The following DSTYK variants were observed in gnomAD, a reference collection of about 807,000 sequenced individuals.
DSTYK encodes dual serine/threonine and tyrosine protein kinase, also known as RIP-homologous kinase.
A neutral mutation model predicts 98.7 loss-of-function variants in DSTYK; 34 were observed. The observed-to-expected ratio is 0.34, with a 90% confidence interval of 0.26 to 0.46. The LOEUF (loss-of-function observed/expected upper bound fraction) is 0.46, where lower values mean the gene tolerates loss of function less well. DSTYK is among the 20% of genes least tolerant of loss of function. The pLI, the probability that DSTYK is intolerant of heterozygous loss-of-function variation, is 1.00. For synonymous variants in DSTYK, 462 were observed against 457.3 expected, an observed-to-expected ratio of 1.01 and a Z score of -0.13; for missense variants, 962 against 1,181.7, an observed-to-expected ratio of 0.81 and a Z score of 2.73.
At chr1:205,196,299 G>A (rs1398175462) in intron 1 of DSTYK, among the ~76,000 whole-genome samples, 1 of 152,212 alleles carries the variant, frequency 6.6e-6, no homozygotes, top group Non-Finnish European at 1.5e-5. Context: ...ACTCATGCCT[G>A]TAGTCCTAGC....
At chr1:205,167,446 T>C (rs1056721145) in intron 3 of DSTYK, among the ~76,000 whole-genome samples, 2 of 152,032 alleles carry the variant, frequency 1.3e-5, no homozygotes. Flanking sequence ...TCATGAAAAA[T>C]GGCATTTGGG....
Position 205,149,179 on chromosome 1 carries a change from A to G in DSTYK, c.2468-840T>C, listed in dbSNP as rs112466539. ...GGCTTCCCAAAGTGCTGGGATTACG[A>G]CATGAGCCACCGCACCTGGCCGAAA... On this transcript the variant is annotated intron_variant, in intron 11 of 12. Coordinates refer to ENST00000367162, the MANE Select transcript of DSTYK (RefSeq NM_015375.3). Among the ~76,000 whole-genome samples, 1,311 of 151,694 alleles carry G rather than the reference A, an allele frequency of 8.6e-3. 23 individuals are homozygous for G. Among genetic ancestry groups the G allele is most frequent in the African/African-American group, 0.03 (1,255 of 41,358 alleles).
At chr1:205,194,631 C>G (rs1416996351) in intron 1 of DSTYK, among the ~76,000 whole-genome samples, 1 of 151,710 alleles carries the variant, frequency 6.6e-6, no homozygotes, top group African/African-American at 2.4e-5. Context: ...GACCCTCCCA[C>G]CTCAGCCTCC....
Position 205,145,183 on chromosome 1 carries a change from T to C in DSTYK, c.*2375A>G, listed in dbSNP as rs1384018262. Reference sequence around the variant, plus strand: ...TGCAGAGAATAGAGTACTTGAAGTATAGCTAAATAGGTGGTAAAAATTCTG... The same window carrying C: ...TGCAGAGAATAGAGTACTTGAAGTACAGCTAAATAGGTGGTAAAAATTCTG... On this transcript the variant is annotated 3_prime_UTR_variant, in exon 13 of 13. Coordinates refer to ENST00000367162, the MANE Select transcript of DSTYK (RefSeq NM_015375.3). The C allele has an allele frequency of 1.3e-5, 2 of 152,186 alleles. No individual in the cohort carries two copies. Among genetic ancestry groups the C allele is most frequent in the African/African-American group, 2.4e-5 (1 of 41,438 alleles). The allele number at this position is 152,186 out of a possible 1,614,324, so 9.4% of individuals were successfully genotyped here. A position where few individuals can be genotyped will look rare whatever the true frequency, so the allele number is the denominator to read the frequency against.
chr1:205,143,639 AAAT>A lies in DSTYK; in HGVS notation c.*3916_*3918del, dbSNP rs1657137104. The A allele has an allele frequency of 6.6e-6, 1 of 152,576 alleles. No individual in the cohort carries two copies. Among genetic ancestry groups the A allele is most frequent in the African/African-American group, 2.4e-5 (1 of 41,426 alleles). The allele number at this position is 152,576 out of a possible 1,614,324, so 9.5% of individuals were successfully genotyped here. A position where few individuals can be genotyped will look rare whatever the true frequency, so the allele number is the denominator to read the frequency against. On this transcript the variant is annotated 3_prime_UTR_variant, in exon 13 of 13. Transcript: ENST00000367162. ...CAATTCCCCTGGGCCTCCCAGTGCT[AAAT>A]AATAAGCCAAAGCCAAAAAATAAAG...
chr1:205,186,765 A>G (rs541071068), intron 2 of DSTYK, among the ~76,000 whole-genome samples: 173 of 152,352 alleles, frequency 1.1e-3, no homozygotes, highest in African/African-American at 4.0e-3. Flanking sequence ...AGACAATATG[A>G]TATCTTACGA....
At chr1:205,203,494 G>C (rs1320315509) in intron 1 of DSTYK, among the ~76,000 whole-genome samples, 1 of 111,056 alleles carries the variant, frequency 9.0e-6, no homozygotes, top group Non-Finnish European at 1.8e-5. Flanking sequence ...AAGGAGAGGG[G>C]AGGGGAGGGG....
intron 2 of DSTYK, 80 bp downstream of exon 2, chr1:205,187,338 A>C: frequency 6.8e-7 from 1 of 1,462,850 alleles, no homozygotes; most frequent in East Asian, 2.4e-5. Context: ...TATATCATCG[A>C]ATTACTTTTT....
intron 2 of DSTYK, among the ~76,000 whole-genome samples, chr1:205,181,407 T>C (rs1658392368): frequency 6.6e-6 from 1 of 152,148 alleles, no homozygotes; most frequent in Non-Finnish European, 1.5e-5. Context: ...CAGGCTGGAG[T>C]GCAGTGGCAT....
chr1:205,161,960 G>A (rs775770121), intron 6 of DSTYK, 76 bp downstream of exon 6: 68 of 1,450,344 alleles, frequency 4.7e-5, no homozygotes, highest in Admixed American at 1.0e-4. Context: ...TATGAAGAGC[G>A]GAGAGCGAAA....
At chr1:205,189,293 C>T (rs1292608213) in intron 1 of DSTYK, among the ~76,000 whole-genome samples, 3 of 152,114 alleles carry the variant, frequency 2.0e-5, no homozygotes, top group Non-Finnish European at 4.4e-5. Flanking sequence ...AAAAATAATC[C>T]GAAATTAGTT....
chr1:205,160,013 T>C, intron 8 of DSTYK, 101 bp downstream of exon 8: 1 of 1,385,086 alleles, frequency 7.2e-7, no homozygotes. Context: ...GAAAACTAAA[T>C]ATAGAGAGGC....
chr1:205,159,710 A>G, intron 8 of DSTYK, 31 bp from the exon 9 acceptor site: 1 of 1,611,948 alleles, frequency 6.2e-7, no homozygotes, highest in Non-Finnish European at 8.5e-7. Context: ...CTGGGCTACA[A>G]GGCTTGGGCT....
rs1183013456 is a variant in DSTYK, at chr1:205,150,655, C to G, written c.2467+25G>C. 1 of 1,577,120 alleles carries G rather than the reference C, an allele frequency of 6.3e-7. No homozygotes were observed. The highest frequency in any genetic ancestry group is 1.7e-5 in the Admixed American group (1 of 59,802). On this transcript the variant is annotated intron_variant, in intron 11 of 12. Coordinates refer to ENST00000367162, the MANE Select transcript of DSTYK (RefSeq NM_015375.3). The surrounding 1 kb of genome is among the most constrained non-coding windows in gnomAD (Gnocchi z 4.1). ...ATTAAAGTAGTACGCCCTGCCCAGA[C>G]CCACTGCCTGCCCTCCAGCCTTACC...
chr1:205,166,533 T>C (rs1657896877), intron 3 of DSTYK, among the ~76,000 whole-genome samples: 1 of 152,150 alleles, frequency 6.6e-6, no homozygotes. Flanking sequence ...ATCTTCTTAT[T>C]GTTTCAAGGA....
Position 205,167,920 on chromosome 1 carries a change from G to A in DSTYK, c.1324+1243C>T, listed in dbSNP as rs1481525639. Among the ~76,000 whole-genome samples the A allele has an allele frequency of 2.6e-5, 4 of 152,162 alleles. No homozygotes were observed. The East Asian group carries it at 5.8e-4, about 22-fold the overall frequency. ...AGGTCAAGAACATCCTGGCCAACAT[G>A]ATGAAACCCCGTCTCTACTAAAATA... On this transcript the variant is annotated intron_variant, in intron 3 of 12. Coordinates refer to ENST00000367162, the MANE Select transcript of DSTYK (RefSeq NM_015375.3).
rs111586429 is a variant in DSTYK, at chr1:205,197,011, C to G, written c.266-9205G>C. Reference sequence around the variant, plus strand: ...AACTCCTGATTTCAGGTGATCCACCCGCCATGGCCTCCCAAAGTGCTGGGA... The same window carrying G: ...AACTCCTGATTTCAGGTGATCCACCGGCCATGGCCTCCCAAAGTGCTGGGA... On this transcript the variant is annotated intron_variant, in intron 1 of 12. Coordinates refer to ENST00000367162, the MANE Select transcript of DSTYK (RefSeq NM_015375.3). Among the ~76,000 whole-genome samples the G allele has an allele frequency of 5.7e-3, 862 of 151,870 alleles. 9 individuals are homozygous for G. Among genetic ancestry groups the G allele is most frequent in the African/African-American group, 0.02 (830 of 41,414 alleles).
intron 2 of DSTYK, among the ~76,000 whole-genome samples, chr1:205,179,610 G>A (rs1658336322): frequency 6.8e-6 from 1 of 146,276 alleles, no homozygotes; most frequent in Admixed American, 6.9e-5. Flanking sequence ...AACAGAGTGA[G>A]AGTCCGTCTC....
chr1:205,152,575 A>C (rs568390768), intron 10 of DSTYK, among the ~76,000 whole-genome samples: 17 of 152,304 alleles, frequency 1.1e-4, no homozygotes, highest in Admixed American at 6.5e-4. Flanking sequence ...TCCTGCCGCC[A>C]ACCTTCCTGT....
Sources: gnomAD v4.1 joint callset for allele counts (sites outside exome capture counted in the v4.1 genomes callset) on GRCh38, gnomAD v4.1.1 for gene constraint, Gnocchi (gnomAD v3.1) non-coding constraint, MANE v1.5 for transcripts, NCBI Gene and HGNC (gene_info 2026-07-23, HGNC 2026-07-21) for gene names.